The following SNTB1 variants were observed in gnomAD, a reference collection of about 807,000 sequenced individuals.
SNTB1 encodes beta-1-syntrophin.
A neutral mutation model predicts 48.9 loss-of-function variants in SNTB1; 36 were observed. That is an observed-to-expected ratio of 0.74 (90% CI 0.56 to 0.97). The LOEUF is 0.97. Ranked by LOEUF, SNTB1 falls within the 50% of genes least tolerant of loss-of-function variation. The pLI is 0.00. For missense variants in SNTB1, 786 were observed against 703.4 expected (o/e 1.12, Z -1.33); for synonymous variants, 299 against 294.6 (o/e 1.01, Z -0.15).
intron 2 of SNTB1, among the ~76,000 whole-genome samples, chr8:120,690,765 C>T (rs1396533172): frequency 1.3e-5 from 2 of 152,202 alleles, no homozygotes; most frequent in African/African-American, 2.4e-5. Context: ...TGATGGTACA[C>T]CATACCCTGC....
chr8:120,597,945 T>G (rs1399311506), intron 3 of SNTB1, among the ~76,000 whole-genome samples: 1 of 152,250 alleles, frequency 6.6e-6, no homozygotes, highest in East Asian at 1.9e-4. Context: ...AAACAGAACA[T>G]ACATTGTATG....
In SNTB1 at chr8:120,663,723, A is replaced by G. The variant is rs1374964315; in HGVS notation, c.788+29969T>C. Among the ~76,000 whole-genome samples the G allele has an allele frequency of 2.0e-5, 3 of 152,046 alleles. No homozygotes were observed. In the East Asian group the frequency reaches 5.8e-4, roughly 29 times the overall value. On this transcript the variant is annotated intron_variant, in intron 2 of 6. Transcript: ENST00000517992. ...AGAATTATTCAAGCAGAGTGACCTGATCAAGTTTGCATTTTAGTGATATCA... is the reference window on the plus strand; with the variant it reads ...AGAATTATTCAAGCAGAGTGACCTGGTCAAGTTTGCATTTTAGTGATATCA...
intron 2 of SNTB1, chr8:120,637,644 G>T: frequency 3.4e-6 from 1 of 297,834 alleles, no homozygotes; most frequent in East Asian, 1.1e-4. Flanking sequence ...TCTTACTATA[G>T]GGTAAACATT....
intron 2 of SNTB1, among the ~76,000 whole-genome samples, chr8:120,664,092 T>C (rs1277671508): frequency 2.0e-5 from 3 of 152,120 alleles, no homozygotes; most frequent in Non-Finnish European, 4.4e-5. Flanking sequence ...ATAATTATAA[T>C]ACATGGCAGA....
Position 120,650,917 on chromosome 8 carries a change from T to C in SNTB1, c.789-18266A>G, listed in dbSNP as rs148013435. Among the ~76,000 whole-genome samples, 251 of 152,348 alleles carry C rather than the reference T, an allele frequency of 1.6e-3. 1 individual carries two copies. The highest frequency in any genetic ancestry group is 5.7e-3 in the African/African-American group (237 of 41,580). ...GCTTTATGACTTATTGGATTCAGAT[T>C]GGCTTTATGACTTATTGGCTGTGAA... On this transcript the variant is annotated intron_variant, in intron 2 of 6. Transcript: ENST00000517992.
intron 4 of SNTB1, among the ~76,000 whole-genome samples, chr8:120,554,775 C>G (rs1316428888): frequency 6.6e-6 from 1 of 152,112 alleles, no homozygotes; most frequent in African/African-American, 2.4e-5. Flanking sequence ...GAAACCTATA[C>G]CTGTGGCCTC....
intron 2 of SNTB1, among the ~76,000 whole-genome samples, chr8:120,651,381 C>A (rs1817408611): frequency 6.6e-6 from 1 of 152,154 alleles, no homozygotes; most frequent in Non-Finnish European, 1.5e-5. Flanking sequence ...ACCCTTTAAC[C>A]CATCTACCTC....
intron 4 of SNTB1, among the ~76,000 whole-genome samples, chr8:120,562,202 G>A (rs1013702043): frequency 6.6e-6 from 1 of 152,204 alleles, no homozygotes; most frequent in African/African-American, 2.4e-5. Flanking sequence ...TCAGTCATAT[G>A]CTTAATATTT....
chr8:120,628,572 C>T (rs1816923896), intron 3 of SNTB1, among the ~76,000 whole-genome samples: 1 of 152,152 alleles, frequency 6.6e-6, no homozygotes, highest in Non-Finnish European at 1.5e-5. Flanking sequence ...TCCTGGCCAA[C>T]AGAGCAAAAC....
rs532007791 is a variant in SNTB1, at chr8:120,548,144, A to C, written c.1333+618T>G. 2.9e-4 allele frequency among the ~76,000 whole-genome samples: 44 copies of C among 150,764 alleles called. 1 individual carries two copies. In the South Asian group the frequency reaches 8.9e-3, roughly 31 times the overall value. The stretch of plus-strand genomic sequence containing the variant: ...AGTGCGGCACTTTCCTCTCCTCTCT[A>C]TCTCTCTCCCCTCTCCTATTGCCAT... On this transcript the variant is annotated intron_variant, in intron 5 of 6. Coordinates refer to ENST00000517992, the MANE Select transcript of SNTB1 (RefSeq NM_021021.4).
rs113038276 is a variant in SNTB1, at chr8:120,728,628, A to T, written c.572-34720T>A. Among the ~76,000 whole-genome samples, 352 of 152,330 alleles carry T rather than the reference A, an allele frequency of 2.3e-3. 2 individuals are homozygous for T. Among genetic ancestry groups the T allele is most frequent in the African/African-American group, 7.9e-3 (329 of 41,560 alleles). ...TTCCTGCATTAATTCACTTAGGATAATGGCCTCTGGCTGCATCCATGTTGC... is the reference window on the plus strand; with the variant it reads ...TTCCTGCATTAATTCACTTAGGATATTGGCCTCTGGCTGCATCCATGTTGC... On this transcript the variant is annotated intron_variant, in intron 1 of 6. Transcript: ENST00000517992.
intron 3 of SNTB1, among the ~76,000 whole-genome samples, chr8:120,589,165 G>C (rs1463465311): frequency 6.6e-6 from 1 of 152,104 alleles, no homozygotes; most frequent in Non-Finnish European, 1.5e-5. Context: ...CCTGCTTTGG[G>C]AATCACTGAC....
At chr8:120,617,854 T>C (rs1187460817) in intron 3 of SNTB1, among the ~76,000 whole-genome samples, 3 of 152,198 alleles carry the variant, frequency 2.0e-5, no homozygotes, top group Admixed American at 6.5e-5. Context: ...GACTGTAAAG[T>C]AGATTTTCAT....
intron 4 of SNTB1, among the ~76,000 whole-genome samples, chr8:120,552,866 G>C (rs535994088): frequency 6.6e-6 from 1 of 152,030 alleles, no homozygotes; most frequent in South Asian, 2.1e-4. Context: ...GGAGCCCTGC[G>C]CTTGTTTTAC....
At chr8:120,589,204 T>G (rs1053409116) in intron 3 of SNTB1, among the ~76,000 whole-genome samples, 2 of 152,212 alleles carry the variant, frequency 1.3e-5, no homozygotes, top group African/African-American at 2.4e-5. Context: ...TACTGGATTA[T>G]AGCCCTTTAT....
chr8:120,681,659 C>T (rs1446139706), intron 2 of SNTB1, among the ~76,000 whole-genome samples: 4 of 152,196 alleles, frequency 2.6e-5, no homozygotes, highest in Non-Finnish European at 5.9e-5. Flanking sequence ...AGTAACTGCA[C>T]AGACCCAGGT....
chr8:120,582,321 A>T (rs370277557), intron 3 of SNTB1, among the ~76,000 whole-genome samples: 2 of 152,334 alleles, frequency 1.3e-5, no homozygotes, highest in Admixed American at 6.5e-5. Context: ...TGCCAATATT[A>T]GAAAAGAAGA....
chr8:120,578,032 ATTTG>A (rs1330582401), intron 3 of SNTB1, among the ~76,000 whole-genome samples: 1 of 151,774 alleles, frequency 6.6e-6, no homozygotes, highest in Non-Finnish European at 1.5e-5. Context: ...AAGAACAGGG[ATTTG>A]TTTGTTTTGT....
chr8:120,615,261 G>A (rs566994479), intron 3 of SNTB1, among the ~76,000 whole-genome samples: 1 of 152,228 alleles, frequency 6.6e-6, no homozygotes, highest in African/African-American at 2.4e-5. Context: ...CCAGAGCCGG[G>A]GTTAATATGT....
Sources: gnomAD v4.1 joint callset for allele counts (sites outside exome capture counted in the v4.1 genomes callset) on GRCh38, gnomAD v4.1.1 for gene constraint, MANE v1.5 for transcripts, NCBI Gene and HGNC (gene_info 2026-07-23, HGNC 2026-07-21) for gene names.